Variants in SYNE1 observed in about 807,000 individuals in gnomAD.
SYNE1 encodes spectrin repeat containing nuclear envelope protein 1, also known as nesprin-1.
SYNE1 carries 616 observed loss-of-function variants against 1,111.0 expected under a neutral mutation model. The observed-to-expected ratio is 0.55, with a 90% CI of 0.52 to 0.59. SYNE1 has a LOEUF of 0.59. Among genes scored for constraint, SYNE1 ranks in the 20% least tolerant of loss-of-function variants. SYNE1 has a pLI of 0.00. For synonymous variants in SYNE1, 3,855 were observed against 3,825.8 expected (o/e 1.01, Z -0.28); for missense variants, 10,006 against 10,417.0 (o/e 0.96, Z 1.72).
intron 63 of SYNE1, chr6:152,363,783 C>A (rs777549714): frequency 1.1e-5 from 5 of 455,588 alleles, no homozygotes; most frequent in South Asian, 7.8e-5. Flanking sequence ...CCCTGAGGGG[C>A]AGCCCTCAAC....
At chr6:152,218,583 T>G (rs2079314210) in intron 120 of SYNE1, among the ~76,000 whole-genome samples, 180 bp from the exon 121 acceptor site, 1 of 151,478 alleles carries the variant, frequency 6.6e-6, no homozygotes, top group South Asian at 2.1e-4. Flanking sequence ...CTTTATGTAA[T>G]TTTTCTAAAA....
At chr6:152,325,398 T>C (rs777399587) in intron 80 of SYNE1, 96 bp from the exon 81 acceptor site, 4 of 1,192,228 alleles carry the variant, frequency 3.4e-6, no homozygotes, top group African/African-American at 1.5e-5. Flanking sequence ...CCAAAATTCC[T>C]GCAAAAGGAA....
intron 95 of SYNE1, among the ~76,000 whole-genome samples, chr6:152,285,514 G>A (rs990152743): frequency 1.5e-4 from 23 of 152,064 alleles, no homozygotes; most frequent in Admixed American, 1.2e-3. Flanking sequence ...TACTACACTC[G>A]TGTAGTCTCA....
intron 123 of SYNE1, among the ~76,000 whole-genome samples, chr6:152,212,675 C>T (rs973463137): frequency 1.3e-5 from 2 of 152,080 alleles, no homozygotes; most frequent in East Asian, 3.9e-4. Context: ...TATATGATTA[C>T]TCTACGTAAC....
chr6:152,280,616 T>C (rs2093973273), intron 97 of SYNE1, among the ~76,000 whole-genome samples: 1 of 152,186 alleles, frequency 6.6e-6, no homozygotes, highest in Admixed American at 6.5e-5. Flanking sequence ...ACCTGGTTTA[T>C]GGACTTTATG....
At chr6:152,434,287 A>G (rs1592623300) in intron 33 of SYNE1, 2 of 267,312 alleles carry the variant, frequency 7.5e-6, no homozygotes, top group African/African-American at 2.2e-5. Context: ...TTTATAAACT[A>G]TGCCAGAAAA....
At chr6:152,176,602 C>G (rs2066504166) in intron 129 of SYNE1, 42 bp from the exon 130 acceptor site, 1 of 1,581,726 alleles carries the variant, frequency 6.3e-7, no homozygotes, top group African/African-American at 1.3e-5. Flanking sequence ...AAAGCATATT[C>G]TTAATACATC....
chr6:152,632,556 T>C lies in SYNE1; in HGVS notation c.-223-4002A>G, dbSNP rs1367543258. 2.0e-5 allele frequency among the ~76,000 whole-genome samples: 3 copies of C among 152,278 alleles called. No homozygotes were observed. In the South Asian group the frequency reaches 6.2e-4, roughly 32 times the overall value. ...CTTTATCCCAGCTAGTTGGGTGATTTTGAGCTGGTTCTATGCATGAAGGTC... is the reference window on the plus strand; with the variant it reads ...CTTTATCCCAGCTAGTTGGGTGATTCTGAGCTGGTTCTATGCATGAAGGTC... On this transcript the variant is annotated intron_variant, in intron 2 of 145. Coordinates refer to ENST00000367255, the MANE Select transcript of SYNE1 (RefSeq NM_182961.4).
At chr6:152,531,119 G>T (rs1594785117) in intron 4 of SYNE1, among the ~76,000 whole-genome samples, 1 of 152,240 alleles carries the variant, frequency 6.6e-6, no homozygotes, top group East Asian at 1.9e-4. Context: ...CAAAGTGCAA[G>T]TGTACTGATG....
intron 3 of SYNE1, among the ~76,000 whole-genome samples, chr6:152,590,944 A>C (rs1298785038): frequency 6.6e-6 from 1 of 152,250 alleles, no homozygotes; most frequent in East Asian, 1.9e-4. Context: ...TAGTCTGACA[A>C]GAATAGCATT....
chr6:152,319,325 T>C (rs2095814774), intron 84 of SYNE1, among the ~76,000 whole-genome samples: 1 of 152,254 alleles, frequency 6.6e-6, no homozygotes, highest in Non-Finnish European at 1.5e-5. Flanking sequence ...GAATCCTATC[T>C]TCTCCATTAA....
chr6:152,125,406 G>A (rs1357550298), intron 145 of SYNE1: 23 of 1,511,986 alleles, frequency 1.5e-5, no homozygotes, highest in African/African-American at 2.8e-5. Context: ...GTGTGTGGAC[G>A]TGGGGACATT....
Position 152,312,337 on chromosome 6 carries a change from G to C in SYNE1, c.16711-1464C>G, listed in dbSNP as rs574702893. Among the ~76,000 whole-genome samples the C allele has an allele frequency of 3.9e-4, 58 of 150,296 alleles. No homozygotes were observed. In the Middle Eastern group the frequency reaches 0.011, roughly 27 times the overall value. On this transcript the variant is annotated intron_variant, in intron 87 of 145. Transcript: ENST00000367255. Reference sequence around the variant, plus strand: ...CGATTCTCCTGCCTCAGCTTCCCGAGTAGCTGGGATTACAGGCATGAGCCG... The same window carrying C: ...CGATTCTCCTGCCTCAGCTTCCCGACTAGCTGGGATTACAGGCATGAGCCG...
At chr6:152,133,895 G>GA (rs34524875) in intron 142 of SYNE1, 19,436 of 164,702 alleles carry the variant, frequency 0.12, 1,102 homozygotes, top group Non-Finnish European at 0.15. Context: ...GTCAAGATTT[G>GA]AAAAAAAAAA....
rs547834109 is a variant in SYNE1, at chr6:152,273,819, T to C, written c.18573+4270A>G. 2.0e-4 allele frequency among the ~76,000 whole-genome samples: 30 copies of C among 152,306 alleles called. 1 individual carries two copies. In the South Asian group the frequency reaches 3.1e-3, roughly 16 times the overall value. On this transcript the variant is annotated intron_variant, in intron 98 of 145. Transcript: ENST00000367255. Reference sequence around the variant, plus strand: ...TTGCCAAGGGCCAGGCTGGGCCTGCTCCCCTCATTGGTTTTGCCCTTCCCA... The same window carrying C: ...TTGCCAAGGGCCAGGCTGGGCCTGCCCCCCTCATTGGTTTTGCCCTTCCCA...
In SYNE1 at chr6:152,453,750, T is replaced by C. The variant is rs560886394; in HGVS notation, c.2893-30A>G. 2.0e-4 allele frequency: 327 copies of C among 1,613,718 alleles called. 1 individual carries two copies. In the South Asian group the frequency reaches 3.4e-3, roughly 17 times the overall value. ...CATGGAAGGGGAAAGTGGGTAAGAG[T>C]GTTGGACAGACGAAAAGGCAGCACC... On this transcript the variant is annotated intron_variant, in intron 24 of 145. Transcript: ENST00000367255.
intron 121 of SYNE1, among the ~76,000 whole-genome samples, chr6:152,216,882 C>G (rs2078834343): frequency 6.6e-6 from 1 of 151,478 alleles, no homozygotes; most frequent in African/African-American, 2.4e-5. Flanking sequence ...AGTGAACCAC[C>G]CCCCTCTCCA....
Position 152,455,869 on chromosome 6 carries a change from C to A in SYNE1, c.2727+17G>T. On this transcript the variant is annotated intron_variant, in intron 23 of 145. Coordinates refer to ENST00000367255, the MANE Select transcript of SYNE1 (RefSeq NM_182961.4). ...TTTTCCCTGGCTCACAGCTCTAAAG[C>A]AGGGAGAGCAAATTACCTGAAAAGC... The A allele has an allele frequency of 6.2e-7, 1 of 1,613,928 alleles. No homozygotes were observed. The highest frequency in any genetic ancestry group is 8.5e-7 in the Non-Finnish European group (1 of 1,179,918).
At chr6:152,143,257 A>G (rs1199506032) in intron 138 of SYNE1, among the ~76,000 whole-genome samples, 1 of 152,208 alleles carries the variant, frequency 6.6e-6, no homozygotes, top group Non-Finnish European at 1.5e-5. Flanking sequence ...TTAGTAATCT[A>G]TTAGCTAAAA....
Sources: gnomAD v4.1 joint callset for allele counts (sites outside exome capture counted in the v4.1 genomes callset) on GRCh38, gnomAD v4.1.1 for gene constraint, MANE v1.5 for transcripts, NCBI Gene and HGNC (gene_info 2026-07-23, HGNC 2026-07-21) for gene names.